PABPC1: variants seen among roughly 807,000 people sequenced by gnomAD.
PABPC1 encodes the protein polyadenylate-binding protein 1.
In PABPC1, 4 loss-of-function variants were observed where a neutral mutation model predicts 74.0. The ratio of observed to expected loss-of-function variants is 0.05; its 90% CI spans 0.03 to 0.12. The LOEUF (loss-of-function observed/expected upper bound fraction) is 0.12. Among genes scored for constraint, PABPC1 ranks in the 10% least tolerant of loss-of-function variants. The probability of loss-of-function intolerance (pLI) is 1.00; values close to 1 mark genes in which losing one functional copy is unlikely to be tolerated. For synonymous variants in PABPC1, 227 were observed against 264.1 expected, an observed-to-expected ratio of 0.86 and a Z score of 1.36; for missense variants, 271 against 821.1, an observed-to-expected ratio of 0.33 and a Z score of 8.19.
intron 7 of PABPC1, 138 bp from the exon 8 acceptor site, chr8:100,709,869 A>C: frequency 1.0e-6 from 1 of 979,222 alleles, no homozygotes; most frequent in Non-Finnish European, 1.5e-6. Context: ...GTATTTACCC[A>C]TTGAGTTCAC....
rs143603863 is a variant in PABPC1, at chr8:100,713,007, T to A, written c.738+80A>T. 5.7e-4 allele frequency: 608 copies of A among 1,063,794 alleles called. 7 individuals carry two copies. The East Asian group carries it at 0.015, about 25-fold the overall frequency. 65.9% of individuals were successfully genotyped at this position (1,063,794 alleles called of 1,614,324 possible). A position where few individuals can be genotyped will look rare whatever the true frequency, so the allele number is the denominator to read the frequency against. ...AAAATATAAGAACATGTCAAATAGC[T>A]ATTAGTATGCACATAGACTTCAACA... On this transcript the variant is annotated intron_variant, in intron 5 of 14. Coordinates refer to ENST00000318607, the MANE Select transcript of PABPC1 (RefSeq NM_002568.4).
rs1168959677 is a variant in PABPC1, at chr8:100,713,159, T to A, written c.666A>T (p.Val222=). 1.4e-5 allele frequency: 22 copies of A among 1,610,086 alleles called. No individual in the cohort carries two copies. The highest frequency in any genetic ancestry group is 1.9e-5 in the Non-Finnish European group (22 of 1,178,486). ...TGGATTTTCCACTTTCATCAGTCAT[T>A]ACTTTCACACTTAAGGCAGGCCCTA... ...GKFGPALSVK[V]MTDESGKSKG... is the part of the protein sequence containing the mutation. The change falls in exon 5 of 15, where the codon GTA becomes GTT. Residue 222 remains valine, a synonymous_variant. Coordinates refer to ENST00000318607, the MANE Select transcript of PABPC1 (RefSeq NM_002568.4).
Position 100,719,354 on chromosome 8 carries a change from A to G in PABPC1, c.194-1074T>C, listed in dbSNP as rs1480534759. 2.0e-5 allele frequency among the ~76,000 whole-genome samples: 3 copies of G among 150,804 alleles called. No homozygotes were observed. In the East Asian group the frequency reaches 5.8e-4, roughly 29 times the overall value. On this transcript the variant is annotated intron_variant, in intron 1 of 14. Transcript: ENST00000318607. ...TATAGTGATAATCAGCTGTTAGCTC[A>G]TTATCAATTGACCACACCTACTCAG...
intron 13 of PABPC1, 43 bp from the exon 14 acceptor site, chr8:100,704,433 G>A (rs1810328771): frequency 2.0e-6 from 3 of 1,478,098 alleles, no homozygotes; most frequent in Non-Finnish European, 2.8e-6. Context: ...GGAAAGGAAT[G>A]GAAATAAAGA....
chr8:100,705,546 T>C (rs771862669), intron 12 of PABPC1, 43 bp downstream of exon 12: 1 of 1,219,706 alleles, frequency 8.2e-7, no homozygotes, highest in South Asian at 1.2e-5. Context: ...TTCCTATATT[T>C]TCTAGTCTTT....
intron 3 of PABPC1, among the ~76,000 whole-genome samples, chr8:100,716,968 GCTT>G (rs1224164212): frequency 3.3e-5 from 5 of 152,164 alleles, no homozygotes; most frequent in Non-Finnish European, 7.4e-5. Context: ...TGTTGGGCTT[GCTT>G]TTTTTTCCTC....
intron 3 of PABPC1, among the ~76,000 whole-genome samples, chr8:100,717,096 C>T (rs1409225134): frequency 6.6e-6 from 1 of 152,004 alleles, no homozygotes; most frequent in Non-Finnish European, 1.5e-5. Context: ...CTGCAACCTC[C>T]GCCTCCCGGG....
At chr8:100,706,518 C>T (rs1810382696) in intron 11 of PABPC1, 133 bp downstream of exon 11, 1 of 683,774 alleles carries the variant, frequency 1.5e-6, no homozygotes, top group East Asian at 3.1e-5. Context: ...AACTCCTGGT[C>T]TCAAGCAATC....
chr8:100,709,758 A>T (rs570929712), intron 7 of PABPC1, 27 bp from the exon 8 acceptor site: 5 of 1,572,590 alleles, frequency 3.2e-6, no homozygotes, highest in African/African-American at 1.4e-5. Flanking sequence ...AAAAAAAGTT[A>T]ACGTAATGGT....
intron 9 of PABPC1, among the ~76,000 whole-genome samples, chr8:100,708,202 C>T (rs1052336681): frequency 6.6e-6 from 1 of 152,144 alleles, no homozygotes; most frequent in African/African-American, 2.4e-5. Context: ...GGTGGTTTGC[C>T]GCCCACACTT....
At chr8:100,715,678 TTGTTAC>T in intron 3 of PABPC1, 77 bp from the exon 4 acceptor site, 1 of 1,014,428 alleles carries the variant, frequency 9.9e-7, no homozygotes, top group Non-Finnish European at 1.4e-6. Flanking sequence ...ATGGTTGGTT[TTGTTAC>T]TGTTAATGAG....
In PABPC1 at chr8:100,715,666, T is replaced by C. The variant is rs1810650721; in HGVS notation, c.504-65A>G. ...TTATAAAGTTCAGATTAAGTAAGCCTGATGGTTGGTTTTGTTACTGTTAAT... is the reference window on the plus strand; with the variant it reads ...TTATAAAGTTCAGATTAAGTAAGCCCGATGGTTGGTTTTGTTACTGTTAAT... On this transcript the variant is annotated intron_variant, in intron 3 of 14. Coordinates refer to ENST00000318607, the MANE Select transcript of PABPC1 (RefSeq NM_002568.4). The C allele has an allele frequency of 3.3e-6, 4 of 1,213,448 alleles. No homozygotes were observed. In the African/African-American group the frequency reaches 4.6e-5, roughly 14 times the overall value. The allele number at this position is 1,213,448 out of a possible 1,614,324, so 75.2% of individuals were successfully genotyped here.
intron 4 of PABPC1, among the ~76,000 whole-genome samples, chr8:100,715,018 CATG>C (rs1457387099): frequency 6.6e-6 from 1 of 151,972 alleles, no homozygotes; most frequent in Non-Finnish European, 1.5e-5. Flanking sequence ...ACTGCTCAAA[CATG>C]ATGTTACTTA....
chr8:100,714,926 A>G (rs1316704289), intron 4 of PABPC1, among the ~76,000 whole-genome samples: 5 of 152,176 alleles, frequency 3.3e-5, no homozygotes, highest in African/African-American at 1.2e-4. Context: ...TTATGAAGTT[A>G]TTTTTAAATG....
At chr8:100,713,996 T>C (rs1810598505) in intron 4 of PABPC1, among the ~76,000 whole-genome samples, 1 of 152,200 alleles carries the variant, frequency 6.6e-6, no homozygotes, top group Admixed American at 6.5e-5. Flanking sequence ...AAGACATGTT[T>C]TCCCCTAACT....
rs996823609 is a variant in PABPC1, at chr8:100,715,325, T to G, written c.643+137A>C. ...GTGTAATAGATGGCCAGCAGCTTAA[T>G]TCAAATAACCACAAATATTTTAAAG... is the stretch of plus-strand genomic sequence containing the variant. On this transcript the variant is annotated intron_variant, in intron 4 of 14. Coordinates refer to ENST00000318607, the MANE Select transcript of PABPC1 (RefSeq NM_002568.4). The G allele has an allele frequency of 5.5e-6, 4 of 721,266 alleles. No homozygotes were observed. In the African/African-American group the frequency reaches 7.1e-5, roughly 13 times the overall value. 44.7% of individuals were successfully genotyped at this position (721,266 alleles called of 1,614,324 possible). A position where few individuals can be genotyped will look rare whatever the true frequency, so the allele number is the denominator to read the frequency against.
At chr8:100,711,253 C>T in intron 7 of PABPC1, among the ~76,000 whole-genome samples, 1 of 152,080 alleles carries the variant, frequency 6.6e-6, no homozygotes, top group Non-Finnish European at 1.5e-5. Context: ...GCACTCCAGC[C>T]CAGGCGAGAG....
Position 100,709,440 on chromosome 8 carries a change from G to A in PABPC1, c.1245+19C>T. The A allele has an allele frequency of 1.3e-6, 2 of 1,559,740 alleles. No individual in the cohort carries two copies. Among genetic ancestry groups the A allele is most frequent in the Non-Finnish European group, 1.7e-6 (2 of 1,148,008 alleles). On this transcript the variant is annotated intron_variant, in intron 8 of 14. Coordinates refer to ENST00000318607, the MANE Select transcript of PABPC1 (RefSeq NM_002568.4). ...AAATACGAAAACCTTCATGGTTCTG[G>A]TTGCCTTCTAAAACCTACCTGTGGG...
chr8:100,707,263 C>A, intron 9 of PABPC1: 3 of 296,794 alleles, frequency 1.0e-5, no homozygotes, highest in South Asian at 3.4e-5. Flanking sequence ...CGAGAGAGTG[C>A]AGAAATAAAG....
Sources: gnomAD v4.1 joint callset for allele counts (sites outside exome capture counted in the v4.1 genomes callset) on GRCh38, gnomAD v4.1.1 for gene constraint, MANE v1.5 for transcripts, NCBI Gene and HGNC (gene_info 2026-07-23, HGNC 2026-07-21) for gene names.